The following RAI1 variants were observed in gnomAD, a reference collection of about 807,000 sequenced individuals.
RAI1 encodes the protein retinoic acid induced 1.
A neutral mutation model predicts 123.8 loss-of-function variants in RAI1; 9 were observed. The observed-to-expected ratio is 0.07, with a 90% CI of 0.04 to 0.13. RAI1 has a LOEUF of 0.13. Among genes scored for constraint, RAI1 ranks in the 10% least tolerant of loss-of-function variants. The pLI, the probability that RAI1 is intolerant of heterozygous loss-of-function variation, is 1.00. For synonymous variants in RAI1, 1,231 were observed against 1,127.3 expected (o/e 1.09, Z -1.84); for missense variants, 2,256 against 2,545.8 (o/e 0.89, Z 2.45).
chr17:17,796,540 A>G lies in RAI1; in HGVS notation c.3592A>G (p.Arg1198Gly). 1.2e-6 allele frequency: 2 copies of G among 1,611,164 alleles called. No homozygotes were observed. Among genetic ancestry groups the G allele is most frequent in the Non-Finnish European group, 8.5e-7 (1 of 1,179,958 alleles). The change falls in exon 3 of 6, where the codon AGG (arginine) becomes GGG (glycine). Residue 1198 changes from arginine (R) to glycine (G), a missense_variant. Transcript: ENST00000353383. This position sits in a 1 kb window ranked among gnomAD's most constrained non-coding sequence, Gnocchi z 5.8. Reference protein sequence around the residue: ...KVSSSPQKEGRVSQRARVPKP... With the variant: ...KVSSSPQKEGGVSQRARVPKP... ...CTCCAGCAGCCCCCAGAAGGAGGGC[A>G]GGGTGAGCCAGCGGGCAAGGGTCCC...
intron 2 of RAI1, among the ~76,000 whole-genome samples, chr17:17,748,071 A>G (rs1044903094): frequency 2.0e-5 from 3 of 152,248 alleles, no homozygotes; most frequent in Admixed American, 1.3e-4. Context: ...CTACCTGGCT[A>G]GGGTGGCCCC....
chr17:17,724,291 G>T (rs1915997381), intron 2 of RAI1, 132 bp downstream of exon 2: 1 of 150,828 alleles, frequency 6.6e-6, no homozygotes, highest in Non-Finnish European at 1.5e-5. Flanking sequence ...GCCGCCCGCC[G>T]CGGACACCCC....
chr17:17,794,634 C>T lies in RAI1; in HGVS notation c.1686C>T (p.Asp562=), dbSNP rs770667129. 1.1e-5 allele frequency: 18 copies of T among 1,613,016 alleles called. No individual in the cohort carries two copies. Among genetic ancestry groups the T allele is most frequent in the African/African-American group, 6.7e-5 (5 of 74,954 alleles). Reference sequence around the variant, plus strand: ...CCACCTGTTCTGTGACCTCTCCTGACGACATGTCCACCAAATCTGACGACT... The same window carrying T: ...CCACCTGTTCTGTGACCTCTCCTGATGACATGTCCACCAAATCTGACGACT... ...SVSTCSVTSP[D]DMSTKSDDSF... The change falls in exon 3 of 6, where the codon GAC becomes GAT. Residue 562 remains aspartate, a synonymous_variant. Coordinates refer to ENST00000353383, the MANE Select transcript of RAI1 (RefSeq NM_030665.4).
intron 2 of RAI1, 130 bp from the exon 3 acceptor site, chr17:17,792,803 A>C (rs866553618): frequency 1.7e-6 from 1 of 577,118 alleles, no homozygotes; most frequent in Non-Finnish European, 2.8e-6. Flanking sequence ...CAGGGTGGGG[A>C]GGTGGGTGGG....
At position 17,809,840 on chromosome 17, in the gene RAI1, G is replaced by A; in HGVS notation, c.5710-130G>A. The A allele has an allele frequency of 7.6e-7, 1 of 1,322,524 alleles. No homozygotes were observed. Among genetic ancestry groups the A allele is most frequent in the Non-Finnish European group, 1.1e-6 (1 of 949,256 alleles). 81.9% of individuals were successfully genotyped at this position (1,322,524 alleles called of 1,614,324 possible). Reference sequence around the variant, plus strand: ...GAAGGGGTGGTGCCGACGGCCTCGGGCGGAGACCCCAGCCGCGCTCTGGGG... The same window carrying A: ...GAAGGGGTGGTGCCGACGGCCTCGGACGGAGACCCCAGCCGCGCTCTGGGG... On this transcript the variant is annotated intron_variant, in intron 5 of 5. Transcript: ENST00000353383. The surrounding 1 kb of genome is among the most constrained non-coding windows in gnomAD (Gnocchi z 4.9).
chr17:17,803,645 C>T, intron 3 of RAI1, 111 bp from the exon 4 acceptor site: 1 of 1,024,316 alleles, frequency 9.8e-7, no homozygotes, highest in Non-Finnish European at 1.5e-6. Context: ...CTTGGCCTCC[C>T]AGAGTGCTGG....
At position 17,796,970 on chromosome 17, in the gene RAI1, T is replaced by C; in HGVS notation, c.4022T>C (p.Leu1341Pro). ...GTGCAGAAGATCACCTCGCCCAGCC[T>C]CAAGAAGTTCGCATGTAAAGCGCCA... is the stretch of plus-strand genomic sequence containing the variant. ...AIVQKITSPS[L>P]KKFACKAPGA... The change falls in exon 3 of 6, where the codon CTC becomes CCC. Residue 1341 changes from leucine to proline, a missense_variant. Around this residue, in one of 7 missense-constraint regions of RAI1, gnomAD observed 322 missense variants for 358.0 expected, o/e 0.90. Transcript: ENST00000353383. This position sits in a 1 kb window ranked among gnomAD's most constrained non-coding sequence, Gnocchi z 5.8. 2 of 1,613,726 alleles carry C rather than the reference T, an allele frequency of 1.2e-6. No homozygotes were observed. The highest frequency in any genetic ancestry group is 1.7e-6 in the Non-Finnish European group (2 of 1,180,026).
chr17:17,770,823 A>C (rs1335822002), intron 2 of RAI1: 1 of 152,206 alleles, frequency 6.6e-6, no homozygotes, highest in Non-Finnish European at 1.5e-5. Context: ...AACCATCCCC[A>C]CTGTCCTCAG....
chr17:17,755,650 C>T (rs1349544328), intron 2 of RAI1, among the ~76,000 whole-genome samples: 1 of 152,196 alleles, frequency 6.6e-6, no homozygotes, highest in Non-Finnish European at 1.5e-5. Flanking sequence ...GGGTGCGTCC[C>T]CCCAGATCCT....
Position 17,688,964 on chromosome 17 carries a change from T to A in RAI1, c.-149+7171T>A, listed in dbSNP as rs8075783. On this transcript the variant is annotated intron_variant, in intron 1 of 5. Coordinates refer to ENST00000353383, the MANE Select transcript of RAI1 (RefSeq NM_030665.4). ...AGAGATCACCATTATGATTATTATT[T>A]TTTTTTTTTGAGCCGGAGTGTTGCT... 6.9e-3 allele frequency among the ~76,000 whole-genome samples: 1,044 copies of A among 151,426 alleles called. 12 individuals carry two copies. Among genetic ancestry groups the A allele is most frequent in the African/African-American group, 0.024 (977 of 41,312 alleles).
intron 1 of RAI1, among the ~76,000 whole-genome samples, chr17:17,682,055 C>T (rs1369296669): frequency 2.2e-5 from 3 of 133,792 alleles, no homozygotes; most frequent in Non-Finnish European, 4.7e-5. Context: ...GGGGGATGTG[C>T]GGCCAGCTGA....
In RAI1 at chr17:17,810,069, C is replaced by A; in HGVS notation, c.*88C>A. 1 of 1,505,532 alleles carries A rather than the reference C, an allele frequency of 6.6e-7. No homozygotes were observed. The highest frequency in any genetic ancestry group is 8.9e-7 in the Non-Finnish European group (1 of 1,118,786). 93.3% of individuals were successfully genotyped at this position (1,505,532 alleles called of 1,614,324 possible). ...AGGAGCCGCCTGCGCAGCCCCCGGG[C>A]CTTTGAGCTGCTCCCAGCGCTGGTC... is the stretch of plus-strand genomic sequence containing the variant. On this transcript the variant is annotated 3_prime_UTR_variant, in exon 6 of 6. Transcript: ENST00000353383. This position sits in a 1 kb window ranked among gnomAD's most constrained non-coding sequence, Gnocchi z 4.6.
At chr17:17,781,556 C>T (rs2031581178) in intron 2 of RAI1, among the ~76,000 whole-genome samples, 1 of 144,310 alleles carries the variant, frequency 6.9e-6, no homozygotes, top group Admixed American at 6.8e-5. Flanking sequence ...AGCTGCTGGC[C>T]TGGGGTGCTT....
chr17:17,787,588 C>A (rs766244196), intron 2 of RAI1, among the ~76,000 whole-genome samples: 4 of 152,242 alleles, frequency 2.6e-5, no homozygotes, highest in Non-Finnish European at 5.9e-5. Context: ...GTTGCTCCCC[C>A]ACACCTCACA....
At chr17:17,701,140 T>A (rs1347971686) in intron 1 of RAI1, among the ~76,000 whole-genome samples, 1 of 152,046 alleles carries the variant, frequency 6.6e-6, no homozygotes, top group Non-Finnish European at 1.5e-5. Flanking sequence ...TGGGGATGGG[T>A]CTGGGCCCTT....
At chr17:17,774,406 C>T (rs1371702210) in intron 2 of RAI1, among the ~76,000 whole-genome samples, 1 of 152,272 alleles carries the variant, frequency 6.6e-6, no homozygotes, top group Non-Finnish European at 1.5e-5. Flanking sequence ...GGCCGGAACA[C>T]AGGGGCCTTT....
At chr17:17,786,838 C>G (rs4924817) in intron 2 of RAI1, among the ~76,000 whole-genome samples, 1 of 152,212 alleles carries the variant, frequency 6.6e-6, no homozygotes, top group Non-Finnish European at 1.5e-5. Flanking sequence ...CTTTGGGAGG[C>G]TGAGGTGGGC....
intron 2 of RAI1, among the ~76,000 whole-genome samples, chr17:17,749,689 T>C (rs1019035797): frequency 2.0e-5 from 3 of 152,194 alleles, no homozygotes; most frequent in African/African-American, 7.2e-5. Context: ...TCTCTCCTCC[T>C]TCTCTCTCAT....
At chr17:17,705,161 A>G (rs781075875) in intron 1 of RAI1, among the ~76,000 whole-genome samples, 20 of 152,312 alleles carry the variant, frequency 1.3e-4, no homozygotes, top group African/African-American at 4.1e-4. Flanking sequence ...CATCATCATC[A>G]TCATCACTCA....
Sources: gnomAD v4.1 joint callset for allele counts (sites outside exome capture counted in the v4.1 genomes callset) on GRCh38, gnomAD v4.1.1 for gene constraint, gnomAD v4.1.1 regional missense constraint, Gnocchi (gnomAD v3.1) non-coding constraint, MANE v1.5 for transcripts, NCBI Gene and HGNC (gene_info 2026-07-23, HGNC 2026-07-21) for gene names.